The following ANO2 variants were observed in gnomAD, a reference collection of about 807,000 sequenced individuals.
The protein encoded by ANO2 is anoctamin 2.
In ANO2, 101 loss-of-function variants were observed where a neutral mutation model predicts 124.2. The observed-to-expected ratio is 0.81, with a 90% CI of 0.69 to 0.96. The LOEUF (loss-of-function observed/expected upper bound fraction) is 0.96. Ranked by LOEUF, ANO2 falls within the 40% of genes least tolerant of loss-of-function variation. The probability of loss-of-function intolerance (pLI) is 0.00; values close to 1 mark genes in which losing one functional copy is unlikely to be tolerated. For synonymous variants in ANO2, 486 were observed against 482.5 expected, an observed-to-expected ratio of 1.01 and a Z score of -0.09; for missense variants, 1,293 against 1,274.5, an observed-to-expected ratio of 1.01 and a Z score of -0.22.
At chr12:5,883,599 TGA>T (rs894008694) in intron 3 of ANO2, among the ~76,000 whole-genome samples, 2 of 151,638 alleles carry the variant, frequency 1.3e-5, no homozygotes, top group Admixed American at 1.3e-4. Flanking sequence ...CTTCAAGCTT[TGA>T]GAGGTGGCCC....
At chr12:5,788,293 T>C (rs929970148) in intron 10 of ANO2, among the ~76,000 whole-genome samples, 3 of 152,212 alleles carry the variant, frequency 2.0e-5, no homozygotes, top group Non-Finnish European at 4.4e-5. Flanking sequence ...ATGACCTTTG[T>C]TATAATCTGC....
chr12:5,843,579 TA>T (rs1240534807), intron 4 of ANO2, among the ~76,000 whole-genome samples: 1 of 151,856 alleles, frequency 6.6e-6, no homozygotes, highest in Admixed American at 6.6e-5. Context: ...ATAAAATAAA[TA>T]AACAACAACA....
At chr12:5,866,559 G>A (rs1230734972) in intron 3 of ANO2, among the ~76,000 whole-genome samples, 1 of 152,248 alleles carries the variant, frequency 6.6e-6, no homozygotes, top group African/African-American at 2.4e-5. Flanking sequence ...GTGGAGGAGA[G>A]GGACCTTGAG....
intron 3 of ANO2, among the ~76,000 whole-genome samples, chr12:5,875,745 A>G (rs764136242): frequency 6.6e-6 from 1 of 152,108 alleles, no homozygotes; most frequent in Non-Finnish European, 1.5e-5. Context: ...CAGAGAGGCT[A>G]TGAATTGTTC....
intron 20 of ANO2, among the ~76,000 whole-genome samples, chr12:5,592,816 A>G (rs1450078151): frequency 6.6e-6 from 1 of 152,224 alleles, no homozygotes; most frequent in Non-Finnish European, 1.5e-5. Flanking sequence ...CTCCCCAGTT[A>G]GGGTTCACGC....
At chr12:5,724,124 C>T (rs1262651775) in intron 14 of ANO2, among the ~76,000 whole-genome samples, 1 of 152,064 alleles carries the variant, frequency 6.6e-6, no homozygotes, top group Non-Finnish European at 1.5e-5. Context: ...GCTTAGGGCC[C>T]TTAACCACCA....
chr12:5,721,522 A>G (rs1357798972), intron 14 of ANO2, among the ~76,000 whole-genome samples: 1 of 139,292 alleles, frequency 7.2e-6, no homozygotes, highest in Non-Finnish European at 1.6e-5. Flanking sequence ...GTTTTTTTTT[A>G]AGAGGCAGAG....
rs182954771 is a variant in ANO2, at chr12:5,592,114, T to C, written c.2233+7370A>G. ...ATTAAAAATTACACAAATATGTCCATAGTGAAGAAGGTGGCCCACAGGTCA... is the reference window on the plus strand; with the variant it reads ...ATTAAAAATTACACAAATATGTCCACAGTGAAGAAGGTGGCCCACAGGTCA... On this transcript the variant is annotated intron_variant, in intron 20 of 24. Coordinates refer to ENST00000682330, the MANE Select transcript of ANO2 (RefSeq NM_001364791.2). Among the ~76,000 whole-genome samples the C allele has an allele frequency of 3.9e-5, 6 of 152,288 alleles. No individual in the cohort carries two copies. In the East Asian group the frequency reaches 1.2e-3, roughly 29 times the overall value.
intron 3 of ANO2, among the ~76,000 whole-genome samples, chr12:5,865,752 ATCACACCATCATGCAT>A (rs1384103935): frequency 0.016 from 2,368 of 150,092 alleles, 61 homozygotes; most frequent in African/African-American, 0.054. Context: ...CCATCATGCA[ATCACACCATCATGCAT>A]TCACACCATC....
intron 14 of ANO2, among the ~76,000 whole-genome samples, chr12:5,663,265 T>C (rs1330276083): frequency 1.3e-5 from 2 of 152,180 alleles, no homozygotes; most frequent in African/African-American, 2.4e-5. Context: ...CAGCTGGGCA[T>C]GGGCCTCAAC....
intron 14 of ANO2, among the ~76,000 whole-genome samples, chr12:5,698,448 G>A (rs149501989): frequency 0.019 from 2,944 of 152,250 alleles, 103 homozygotes; most frequent in African/African-American, 0.065. Flanking sequence ...CCATCTGTAC[G>A]TCACCATCAT....
At chr12:5,752,591 G>A (rs1201304085) in intron 10 of ANO2, among the ~76,000 whole-genome samples, 1 of 152,058 alleles carries the variant, frequency 6.6e-6, no homozygotes, top group East Asian at 1.9e-4. Context: ...TTTTGCCACT[G>A]AATTGTAGAA....
At chr12:5,592,706 T>A (rs1943464414) in intron 20 of ANO2, among the ~76,000 whole-genome samples, 1 of 152,150 alleles carries the variant, frequency 6.6e-6, no homozygotes, top group African/African-American at 2.4e-5. Context: ...TTAGGATGCA[T>A]TTCCAGTAAT....
chr12:5,775,599 G>C (rs1952213078), intron 10 of ANO2, among the ~76,000 whole-genome samples: 1 of 151,824 alleles, frequency 6.6e-6, no homozygotes, highest in Admixed American at 6.6e-5. Flanking sequence ...GTAGCTGGGA[G>C]TACAGGCGTC....
rs1565789126 is a variant in ANO2 at position 5,928,498 on chromosome 12, C to CT, written c.23-5695dup. 1.7e-4 allele frequency among the ~76,000 whole-genome samples: 25 copies of CT among 147,576 alleles called. 1 individual carries two copies. The highest frequency in any genetic ancestry group is 2.8e-4 in the Admixed American group (4 of 14,460). On this transcript the variant is annotated intron_variant, in intron 1 of 24. Coordinates refer to ENST00000682330, the MANE Select transcript of ANO2 (RefSeq NM_001364791.2). ...TAGTCTACTTTCCTTCCTCACTGGT[C>CT]TACTTTCCTTCCTCTCTAGTCTACC...
intron 13 of ANO2, 33 bp downstream of exon 13, chr12:5,739,284 A>G (rs780028655): frequency 5.8e-6 from 9 of 1,546,104 alleles, no homozygotes; most frequent in Admixed American, 3.8e-5. Context: ...AAAAGCCCAC[A>G]GAAGTATGTG....
chr12:5,944,423 T>C (rs1286862814), intron 1 of ANO2, among the ~76,000 whole-genome samples: 2 of 152,146 alleles, frequency 1.3e-5, no homozygotes, highest in Admixed American at 1.3e-4. Context: ...TGACACCACC[T>C]CCCAGTGCAC....
chr12:5,944,386 C>G (rs901998188), intron 1 of ANO2, among the ~76,000 whole-genome samples: 2 of 152,198 alleles, frequency 1.3e-5, no homozygotes, highest in African/African-American at 4.8e-5. Context: ...TTCTCCACAT[C>G]TGCTCACAAA....
chr12:5,569,642 G>A (rs565215784), intron 23 of ANO2, among the ~76,000 whole-genome samples: 2 of 152,262 alleles, frequency 1.3e-5, no homozygotes, highest in South Asian at 2.1e-4. Flanking sequence ...TCTACAGAGT[G>A]GAACTCCCAA....
Sources: allele counts gnomAD v4.1 joint callset (sites outside exome capture counted in the v4.1 genomes callset), GRCh38; gene constraint gnomAD v4.1.1; transcripts MANE v1.5; gene names NCBI Gene and HGNC (gene_info 2026-07-23, HGNC 2026-07-21).